Variants in PDGFC observed in about 807,000 individuals in gnomAD.
The protein encoded by PDGFC is platelet-derived growth factor C.
Under a neutral mutation model 35.5 loss-of-function variants are expected in PDGFC, and 12 were observed. The observed-to-expected ratio is 0.34, with a 90% confidence interval of 0.22 to 0.55. The LOEUF (loss-of-function observed/expected upper bound fraction) is 0.55. Ranked by LOEUF, PDGFC falls within the 20% of genes least tolerant of loss-of-function variation. The pLI is 0.91. For synonymous variants in PDGFC, 159 were observed against 148.8 expected, an observed-to-expected ratio of 1.07 and a Z score of -0.50; for missense variants, 322 against 412.4, an observed-to-expected ratio of 0.78 and a Z score of 1.90.
intron 3 of PDGFC, among the ~76,000 whole-genome samples, chr4:156,807,255 A>G (rs1731793971): frequency 6.6e-6 from 1 of 152,066 alleles, no homozygotes; most frequent in South Asian, 2.1e-4. Flanking sequence ...TACTGTTTTA[A>G]AAAGCTATAA....
At chr4:156,766,338 A>C (rs1730529112) in intron 5 of PDGFC, among the ~76,000 whole-genome samples, 1 of 152,140 alleles carries the variant, frequency 6.6e-6, no homozygotes, top group Non-Finnish European at 1.5e-5. Flanking sequence ...AAAATCATTA[A>C]GAAAATATAT....
intron 2 of PDGFC, among the ~76,000 whole-genome samples, chr4:156,834,614 G>C (rs1195660779): frequency 6.6e-6 from 1 of 152,140 alleles, no homozygotes; most frequent in Non-Finnish European, 1.5e-5. Context: ...TGGTGAGAAA[G>C]GAGTAGGGGG....
intron 3 of PDGFC, among the ~76,000 whole-genome samples, chr4:156,795,408 G>A (rs1304039122): frequency 6.6e-6 from 1 of 151,984 alleles, no homozygotes; most frequent in African/African-American, 2.4e-5. Flanking sequence ...AAACCAAACT[G>A]AAAGTCATAA....
At chr4:156,954,487 G>A (rs536700031) in intron 1 of PDGFC, among the ~76,000 whole-genome samples, 3 of 151,976 alleles carry the variant, frequency 2.0e-5, no homozygotes, top group African/African-American at 7.2e-5. Context: ...AGCAAAAGGG[G>A]AAATAATTCA....
intron 1 of PDGFC, among the ~76,000 whole-genome samples, chr4:156,868,261 G>C (rs772054366): frequency 2.6e-5 from 4 of 152,114 alleles, no homozygotes; most frequent in Non-Finnish European, 5.9e-5. Flanking sequence ...CAAAAATAAA[G>C]GCGAGCATTT....
chr4:156,929,136 C>A (rs1454847136), intron 1 of PDGFC, among the ~76,000 whole-genome samples: 1 of 152,076 alleles, frequency 6.6e-6, no homozygotes, highest in Non-Finnish European at 1.5e-5. Context: ...TAGACTGAGA[C>A]CTCAATTTGG....
intron 1 of PDGFC, among the ~76,000 whole-genome samples, chr4:156,949,419 ATG>A (rs1732026550): frequency 6.6e-6 from 1 of 151,374 alleles, no homozygotes; most frequent in African/African-American, 2.4e-5. Flanking sequence ...AAAAAGTAGT[ATG>A]TGTGTGTGTC....
At chr4:156,872,916 G>A (rs1026848330) in intron 1 of PDGFC, among the ~76,000 whole-genome samples, 1 of 152,064 alleles carries the variant, frequency 6.6e-6, no homozygotes, top group Admixed American at 6.5e-5. Context: ...AATCACTTGA[G>A]CCCATGAGTT....
At chr4:156,782,206 T>C (rs986049855) in intron 3 of PDGFC, among the ~76,000 whole-genome samples, 1 of 152,186 alleles carries the variant, frequency 6.6e-6, no homozygotes, top group Non-Finnish European at 1.5e-5. Flanking sequence ...TGGCTACGAA[T>C]ACCTCTGTGC....
chr4:156,791,014 G>A (rs756322832), intron 3 of PDGFC, among the ~76,000 whole-genome samples: 1 of 152,066 alleles, frequency 6.6e-6, no homozygotes, highest in Non-Finnish European at 1.5e-5. Flanking sequence ...ATTTTTCCTA[G>A]GATCAACATT....
chr4:156,881,347 A>T (rs1484918988), intron 1 of PDGFC, among the ~76,000 whole-genome samples: 2 of 152,172 alleles, frequency 1.3e-5, no homozygotes, highest in African/African-American at 4.8e-5. Context: ...AATAGCCTAT[A>T]GGGTGGTACA....
chr4:156,883,224 A>G (rs1030165118), intron 1 of PDGFC, among the ~76,000 whole-genome samples: 3 of 151,934 alleles, frequency 2.0e-5, no homozygotes, highest in Non-Finnish European at 4.4e-5. Context: ...ATAGTGTTAT[A>G]TTTTTCTATT....
chr4:156,897,329 T>A, intron 1 of PDGFC, among the ~76,000 whole-genome samples: 1 of 141,096 alleles, frequency 7.1e-6, no homozygotes, highest in African/African-American at 2.6e-5. Context: ...AGAGAGAATA[T>A]GAGAGAGTGT....
intron 1 of PDGFC, among the ~76,000 whole-genome samples, chr4:156,865,492 A>G (rs1729818361): frequency 6.6e-6 from 1 of 152,216 alleles, no homozygotes; most frequent in Admixed American, 6.5e-5. Context: ...AATTTACTCC[A>G]ATAGTTTTTA....
intron 1 of PDGFC, among the ~76,000 whole-genome samples, chr4:156,851,510 GA>G (rs1051981733): frequency 1.3e-5 from 2 of 152,092 alleles, no homozygotes; most frequent in African/African-American, 2.4e-5. Context: ...GCACTGCTGA[GA>G]AAGGAAGTAT....
chr4:156,954,556 A>G lies in PDGFC; in HGVS notation c.118+16230T>C, dbSNP rs956897157. ...ACTTGCGATGGTCATGCTCTTCTCT[A>G]TAATAAATTGATTGCAATAAAACTT... On this transcript the variant is annotated intron_variant, in intron 1 of 5. Transcript: ENST00000502773. 5.3e-5 allele frequency among the ~76,000 whole-genome samples: 8 copies of G among 152,046 alleles called. 1 individual carries two copies. The highest frequency in any genetic ancestry group is 7.2e-5 in the African/African-American group (3 of 41,442).
chr4:156,899,879 A>G (rs1231384761), intron 1 of PDGFC, among the ~76,000 whole-genome samples: 1 of 152,178 alleles, frequency 6.6e-6, no homozygotes, highest in African/African-American at 2.4e-5. Flanking sequence ...TGCAAAATCC[A>G]AAAGATAATT....
chr4:156,882,832 C>T (rs945879694), intron 1 of PDGFC, among the ~76,000 whole-genome samples: 12 of 152,108 alleles, frequency 7.9e-5, no homozygotes, highest in Non-Finnish European at 1.6e-4. Flanking sequence ...CGCCTGTAAT[C>T]CCAGCACTTT....
At chr4:156,827,596 T>A (rs80133442) in intron 2 of PDGFC, among the ~76,000 whole-genome samples, 8,997 of 152,014 alleles carry the variant, frequency 0.059, 865 homozygotes, top group African/African-American at 0.2. Flanking sequence ...AATGGTCCTG[T>A]GGACCATTTT....
Sources: allele counts gnomAD v4.1 joint callset (sites outside exome capture counted in the v4.1 genomes callset), GRCh38; gene constraint gnomAD v4.1.1; transcripts MANE v1.5; gene names NCBI Gene and HGNC (gene_info 2026-07-23, HGNC 2026-07-21).